MB21D2: variants seen among roughly 807,000 people sequenced by gnomAD.
MB21D2 encodes nucleotidyltransferase MB21D2.
A neutral mutation model predicts 33.3 loss-of-function variants in MB21D2; 9 were observed. The ratio of observed to expected loss-of-function variants is 0.27; its 90% CI spans 0.16 to 0.47. MB21D2 has a LOEUF of 0.47. Among genes scored for constraint, MB21D2 ranks in the 20% least tolerant of loss-of-function variants. The pLI, the probability that MB21D2 is intolerant of heterozygous loss-of-function variation, is 0.99. For missense variants in MB21D2, 540 were observed against 624.6 expected (o/e 0.86, Z 1.44); for synonymous variants, 241 against 236.3 (o/e 1.02, Z -0.18).
intron 1 of MB21D2, among the ~76,000 whole-genome samples, chr3:192,892,675 T>G (rs1713876222): frequency 6.6e-6 from 1 of 152,116 alleles, no homozygotes; most frequent in Non-Finnish European, 1.5e-5. Flanking sequence ...ACTCCTGACC[T>G]CAGGTGATCT....
At chr3:192,822,035 A>G (rs7632090) in intron 1 of MB21D2, among the ~76,000 whole-genome samples, 87,375 of 151,934 alleles carry the variant, frequency 0.58, 26,166 homozygotes, top group African/African-American at 0.75. Context: ...TATTTGAAAT[A>G]TCTTTACATG....
At chr3:192,878,098 T>G (rs1299642415) in intron 1 of MB21D2, among the ~76,000 whole-genome samples, 1 of 141,786 alleles carries the variant, frequency 7.1e-6, no homozygotes, top group Non-Finnish European at 1.5e-5. Flanking sequence ...TTTTTTTTTT[T>G]TTTGGTTTTT....
At chr3:192,848,007 C>A (rs1472958298) in intron 1 of MB21D2, among the ~76,000 whole-genome samples, 2 of 152,202 alleles carry the variant, frequency 1.3e-5, no homozygotes, top group African/African-American at 4.8e-5. Flanking sequence ...ATGTCTACAG[C>A]TGTAACATTA....
At chr3:192,864,489 G>C (rs1713123772) in intron 1 of MB21D2, among the ~76,000 whole-genome samples, 1 of 152,112 alleles carries the variant, frequency 6.6e-6, no homozygotes, top group Non-Finnish European at 1.5e-5. Context: ...GGAATTACAA[G>C]TGTGAACCAC....
At chr3:192,834,403 A>C (rs1712387911) in intron 1 of MB21D2, among the ~76,000 whole-genome samples, 1 of 145,862 alleles carries the variant, frequency 6.9e-6, no homozygotes. Flanking sequence ...CTGAGGAAGT[A>C]ATTTTCCCCA....
chr3:192,873,374 A>G (rs923256072), intron 1 of MB21D2, among the ~76,000 whole-genome samples: 2 of 152,190 alleles, frequency 1.3e-5, no homozygotes, highest in Non-Finnish European at 2.9e-5. Context: ...ATTGTAATTT[A>G]TAATATTTAT....
At chr3:192,818,950 G>A (rs1711984579) in intron 1 of MB21D2, among the ~76,000 whole-genome samples, 1 of 151,926 alleles carries the variant, frequency 6.6e-6, no homozygotes, top group Non-Finnish European at 1.5e-5. Flanking sequence ...AATTGTTTGA[G>A]CCAGTTCTCA....
intron 1 of MB21D2, among the ~76,000 whole-genome samples, chr3:192,868,150 C>T (rs190611143): frequency 3.3e-5 from 5 of 152,230 alleles, no homozygotes; most frequent in African/African-American, 1.2e-4. Context: ...CTATAAATGC[C>T]CTTTTAGCCC....
In MB21D2 at chr3:192,796,828, A is replaced by G. The variant is rs1197660741; in HGVS notation, c.*1558T>C. The G allele has an allele frequency of 6.6e-6, 1 of 152,206 alleles. No homozygotes were observed. Among genetic ancestry groups the G allele is most frequent in the Non-Finnish European group, 1.5e-5 (1 of 68,018 alleles). The allele number at this position is 152,206 out of a possible 1,614,324, so 9.4% of individuals were successfully genotyped here. ...ACAACAACAAAATTTCAAGGCCAGTATGTTTCTTTTTTTATTATTTTTGTG... is the reference window on the plus strand; with the variant it reads ...ACAACAACAAAATTTCAAGGCCAGTGTGTTTCTTTTTTTATTATTTTTGTG... On this transcript the variant is annotated 3_prime_UTR_variant, in exon 2 of 2. Coordinates refer to ENST00000392452, the MANE Select transcript of MB21D2 (RefSeq NM_178496.4).
rs1022566250 is a variant in MB21D2, at chr3:192,797,273, T to C, written c.*1113A>G. 27 of 152,644 alleles carry C rather than the reference T, an allele frequency of 1.8e-4. No individual in the cohort carries two copies. The highest frequency in any genetic ancestry group is 5.9e-5 in the Non-Finnish European group (4 of 68,040). The allele number at this position is 152,644 out of a possible 1,614,324, so 9.5% of individuals were successfully genotyped here. A position where few individuals can be genotyped will look rare whatever the true frequency, so the allele number is the denominator to read the frequency against. On this transcript the variant is annotated 3_prime_UTR_variant, in exon 2 of 2. Coordinates refer to ENST00000392452, the MANE Select transcript of MB21D2 (RefSeq NM_178496.4). Reference sequence around the variant, plus strand: ...CTATTTGGGGATTATAAGTTCTTCCTGCCAGTTTTTCTCAAAACTCTCAGG... The same window carrying C: ...CTATTTGGGGATTATAAGTTCTTCCCGCCAGTTTTTCTCAAAACTCTCAGG...
At chr3:192,889,352 GGCTGGAAT>G (rs1713802536) in intron 1 of MB21D2, among the ~76,000 whole-genome samples, 1 of 152,090 alleles carries the variant, frequency 6.6e-6, no homozygotes, top group African/African-American at 2.4e-5. Context: ...AGCTTGGAAT[GGCTGGAAT>G]GCACAGACCC....
intron 1 of MB21D2, among the ~76,000 whole-genome samples, chr3:192,852,612 C>T (rs1712831276): frequency 6.6e-6 from 1 of 152,200 alleles, no homozygotes; most frequent in Admixed American, 6.5e-5. Context: ...TTCTTGCATC[C>T]TTTTGAATCC....
At chr3:192,874,973 G>C (rs1713397978) in intron 1 of MB21D2, among the ~76,000 whole-genome samples, 2 of 151,080 alleles carry the variant, frequency 1.3e-5, no homozygotes, top group Non-Finnish European at 1.5e-5. Context: ...CATCTAGGTG[G>C]TTTCCTTTCA....
intron 1 of MB21D2, among the ~76,000 whole-genome samples, chr3:192,813,559 A>G (rs1003368147): frequency 6.6e-6 from 1 of 152,256 alleles, no homozygotes; most frequent in Admixed American, 6.5e-5. Flanking sequence ...CAGTTTCCAG[A>G]GAATGGCCAC....
chr3:192,815,797 A>AT (rs1203156794), intron 1 of MB21D2, among the ~76,000 whole-genome samples: 3 of 152,056 alleles, frequency 2.0e-5, no homozygotes, highest in Admixed American at 6.5e-5. Flanking sequence ...GATTTCTGCT[A>AT]TTTTTTCAGG....
At chr3:192,869,428 G>A (rs1560244689) in intron 1 of MB21D2, among the ~76,000 whole-genome samples, 2 of 152,110 alleles carry the variant, frequency 1.3e-5, no homozygotes, top group Non-Finnish European at 2.9e-5. Flanking sequence ...GACTGACACA[G>A]TGAATAAAAC....
chr3:192,844,456 C>T (rs1712640111), intron 1 of MB21D2, among the ~76,000 whole-genome samples: 1 of 152,206 alleles, frequency 6.6e-6, no homozygotes, highest in African/African-American at 2.4e-5. Flanking sequence ...TTGCCTCTCC[C>T]CACTGCTGTG....
chr3:192,887,581 G>T (rs1163903070), intron 1 of MB21D2, among the ~76,000 whole-genome samples: 2 of 152,114 alleles, frequency 1.3e-5, no homozygotes, highest in East Asian at 3.9e-4. Flanking sequence ...ATCCACGGTG[G>T]GGTAGAGGTT....
chr3:192,846,326 G>T (rs1262243824), intron 1 of MB21D2, among the ~76,000 whole-genome samples: 1 of 152,146 alleles, frequency 6.6e-6, no homozygotes, highest in Non-Finnish European at 1.5e-5. Flanking sequence ...ACAGTATTTA[G>T]AGAGTGCTTA....
Sources: allele counts gnomAD v4.1 joint callset (sites outside exome capture counted in the v4.1 genomes callset), GRCh38; gene constraint gnomAD v4.1.1; transcripts MANE v1.5; gene names NCBI Gene and HGNC (gene_info 2026-07-23, HGNC 2026-07-21).